Variants in TAFA1 observed in about 807,000 individuals in gnomAD.
TAFA1 encodes the protein chemokine-like protein TAFA-1.
TAFA1 carries 4 observed loss-of-function variants against 18.5 expected under a neutral mutation model. That is an observed-to-expected ratio of 0.22 (90% CI 0.11 to 0.49). The LOEUF (loss-of-function observed/expected upper bound fraction) is 0.49, where lower values mean the gene tolerates loss of function less well. Among genes scored for constraint, TAFA1 ranks in the 20% least tolerant of loss-of-function variants. The pLI is 0.98. For missense variants in TAFA1, 147 were observed against 169.0 expected, an observed-to-expected ratio of 0.87 and a Z score of 0.72; for synonymous variants, 56 against 55.2, an observed-to-expected ratio of 1.01 and a Z score of -0.06.
chr3:68,494,196 G>A (rs2072502343), intron 3 of TAFA1, among the ~76,000 whole-genome samples: 3 of 152,044 alleles, frequency 2.0e-5, no homozygotes, highest in African/African-American at 7.2e-5. Context: ...CCACCTCCTG[G>A]GCTCAAGTGA....
intron 2 of TAFA1, among the ~76,000 whole-genome samples, chr3:68,078,636 C>A (rs1349338922): frequency 6.6e-6 from 1 of 151,990 alleles, no homozygotes; most frequent in Admixed American, 6.6e-5. Context: ...TATATTGAAC[C>A]AGCCTTGCAT....
At chr3:68,105,309 G>A (rs755419407) in intron 2 of TAFA1, among the ~76,000 whole-genome samples, 2 of 152,284 alleles carry the variant, frequency 1.3e-5, no homozygotes, top group Admixed American at 6.5e-5. Context: ...ACACATTCCA[G>A]TAGTACCATA....
intron 2 of TAFA1, among the ~76,000 whole-genome samples, chr3:68,045,799 T>C (rs1359304744): frequency 6.6e-6 from 1 of 152,214 alleles, no homozygotes; most frequent in Non-Finnish European, 1.5e-5. Context: ...TAATCATTCA[T>C]TTCGTTATTT....
At position 68,147,014 on chromosome 3, in the gene TAFA1, T is replaced by C. The variant is rs190995720; in HGVS notation, c.118+140270T>C. Reference sequence around the variant, plus strand: ...TTAAAATACCTCTTGTGTGTGTATATATATATGTGTGTGTGTGTGTGTGTG... The same window carrying C: ...TTAAAATACCTCTTGTGTGTGTATACATATATGTGTGTGTGTGTGTGTGTG... On this transcript the variant is annotated intron_variant, in intron 2 of 4. Coordinates refer to ENST00000478136, the MANE Select transcript of TAFA1 (RefSeq NM_213609.4). Among the ~76,000 whole-genome samples, 81 of 144,746 alleles carry C rather than the reference T, an allele frequency of 5.6e-4. 3 individuals carry two copies. In the East Asian group the frequency reaches 0.016, roughly 29 times the overall value. 95.0% of individuals were successfully genotyped at this position (144,746 alleles called of 152,430 possible). A position where few individuals can be genotyped will look rare whatever the true frequency, so the allele number is the denominator to read the frequency against.
chr3:68,046,279 G>C (rs541022787), intron 2 of TAFA1, among the ~76,000 whole-genome samples: 1 of 151,966 alleles, frequency 6.6e-6, no homozygotes, highest in East Asian at 1.9e-4. Context: ...ATATTGATAA[G>C]GTTATATTTA....
chr3:68,539,683 G>C (rs1486040339), intron 4 of TAFA1, among the ~76,000 whole-genome samples: 5 of 20,288 alleles, frequency 2.5e-4, no homozygotes, highest in African/African-American at 6.7e-4. Context: ...GTGTGTGGGG[G>C]GGCATGGGGT....
chr3:68,013,475 T>C (rs190850157), intron 2 of TAFA1, among the ~76,000 whole-genome samples: 59 of 152,168 alleles, frequency 3.9e-4, no homozygotes, highest in Non-Finnish European at 1.0e-4. Context: ...ATCCCTAAGG[T>C]TTTCAGTCAC....
chr3:68,524,723 T>G (rs2073080157), intron 3 of TAFA1, among the ~76,000 whole-genome samples: 1 of 151,986 alleles, frequency 6.6e-6, no homozygotes, highest in South Asian at 2.1e-4. Flanking sequence ...CAGGCTGGAG[T>G]GCAGTGGTGC....
intron 3 of TAFA1, among the ~76,000 whole-genome samples, chr3:68,441,067 A>C (rs767947726): frequency 8.5e-5 from 13 of 152,186 alleles, no homozygotes; most frequent in Admixed American, 3.3e-4. Flanking sequence ...GGTAAAGAAT[A>C]AGTTGCTGCA....
intron 2 of TAFA1, among the ~76,000 whole-genome samples, chr3:68,168,144 CAAAAAA>C (rs10662237): frequency 1.7e-5 from 2 of 116,482 alleles, no homozygotes; most frequent in South Asian, 3.1e-4. Context: ...TTTTCAGATA[CAAAAAA>C]AAAAAAAAAA....
At chr3:68,267,148 A>T (rs1291881517) in intron 2 of TAFA1, among the ~76,000 whole-genome samples, 2 of 152,210 alleles carry the variant, frequency 1.3e-5, no homozygotes, top group African/African-American at 2.4e-5. Context: ...GTCTATAGGA[A>T]CACACAGATA....
chr3:68,371,954 C>T (rs2069714764), intron 2 of TAFA1, among the ~76,000 whole-genome samples: 1 of 152,122 alleles, frequency 6.6e-6, no homozygotes, highest in East Asian at 1.9e-4. Flanking sequence ...AACTAGAAAT[C>T]TAGATTCTTA....
intron 2 of TAFA1, among the ~76,000 whole-genome samples, chr3:68,394,290 G>A (rs2070330727): frequency 6.6e-6 from 1 of 151,984 alleles, no homozygotes. Flanking sequence ...CACTGCTCAA[G>A]GAAATAAGAG....
chr3:68,466,156 AG>A (rs1178311835), intron 3 of TAFA1, among the ~76,000 whole-genome samples: 4 of 151,728 alleles, frequency 2.6e-5, no homozygotes, highest in Non-Finnish European at 5.9e-5. Flanking sequence ...GTATGAGTAG[AG>A]TTGGCATACT....
At chr3:68,454,221 G>A (rs747189138) in intron 3 of TAFA1, among the ~76,000 whole-genome samples, 4 of 152,142 alleles carry the variant, frequency 2.6e-5, no homozygotes, top group Non-Finnish European at 5.9e-5. Flanking sequence ...ATCATCATAT[G>A]TACTAAGTCC....
chr3:68,305,431 A>ATATATATATATG (rs2068395953), intron 2 of TAFA1, among the ~76,000 whole-genome samples: 1 of 101,018 alleles, frequency 9.9e-6, no homozygotes, highest in Non-Finnish European at 2.1e-5. Flanking sequence ...ATATATATAT[A>ATATATATATATG]TATATATATA....
At chr3:68,354,347 C>T (rs762364973) in intron 2 of TAFA1, among the ~76,000 whole-genome samples, 6 of 151,930 alleles carry the variant, frequency 3.9e-5, no homozygotes, top group Non-Finnish European at 7.4e-5. Flanking sequence ...GCTCGGAGAA[C>T]AAAAGCCCTG....
chr3:68,514,136 T>C (rs990326544), intron 3 of TAFA1, among the ~76,000 whole-genome samples: 7 of 152,278 alleles, frequency 4.6e-5, no homozygotes, highest in South Asian at 4.1e-4. Flanking sequence ...TCCATCCTTA[T>C]GTCAAAAGGC....
chr3:68,090,036 C>A (rs561534510), intron 2 of TAFA1, among the ~76,000 whole-genome samples: 1 of 152,220 alleles, frequency 6.6e-6, no homozygotes, highest in South Asian at 2.1e-4. Context: ...GCAGCTTGAG[C>A]CCTTCTACTC....
Sources: gnomAD v4.1 joint callset for allele counts (sites outside exome capture counted in the v4.1 genomes callset) on GRCh38, gnomAD v4.1.1 for gene constraint, MANE v1.5 for transcripts, NCBI Gene and HGNC (gene_info 2026-07-23, HGNC 2026-07-21) for gene names.